The following DLG2 variants were observed in gnomAD, a reference collection of about 807,000 sequenced individuals.
DLG2 encodes the protein disks large homolog 2.
DLG2 carries 45 observed loss-of-function variants against 132.5 expected under a neutral mutation model. The observed-to-expected ratio is 0.34, with a 90% CI of 0.27 to 0.44. DLG2 has a LOEUF of 0.44. Ranked by LOEUF, DLG2 falls within the 20% of genes least tolerant of loss-of-function variation. The probability of loss-of-function intolerance (pLI) is 1.00; values close to 1 mark genes in which losing one functional copy is unlikely to be tolerated. For synonymous variants in DLG2, 424 were observed against 419.6 expected (o/e 1.01, Z -0.13); for missense variants, 1,045 against 1,196.9 (o/e 0.87, Z 1.87).
At chr11:83,534,735 G>A (rs577349934) in intron 20 of DLG2, among the ~76,000 whole-genome samples, 1 of 152,154 alleles carries the variant, frequency 6.6e-6, no homozygotes, top group Non-Finnish European at 1.5e-5. Flanking sequence ...TCAGGAGTTC[G>A]AGACCCGCCT....
At chr11:84,812,063 T>C (rs992006050) in intron 6 of DLG2, among the ~76,000 whole-genome samples, 5 of 152,108 alleles carry the variant, frequency 3.3e-5, no homozygotes, top group African/African-American at 1.2e-4. Flanking sequence ...TTATTCTAGG[T>C]TAAGATATAG....
chr11:84,911,189 G>T (rs1282130175), intron 6 of DLG2, among the ~76,000 whole-genome samples: 1 of 151,902 alleles, frequency 6.6e-6, no homozygotes, highest in Non-Finnish European at 1.5e-5. Flanking sequence ...TTGTTTTAAG[G>T]CATCTTTCTT....
chr11:84,796,378 T>G (rs1253757828), intron 6 of DLG2, among the ~76,000 whole-genome samples: 2 of 152,218 alleles, frequency 1.3e-5, no homozygotes, highest in African/African-American at 4.8e-5. Context: ...AGCTATTATT[T>G]TTTATTAGTT....
chr11:83,564,550 A>G (rs1028268257), intron 19 of DLG2, among the ~76,000 whole-genome samples: 3 of 152,210 alleles, frequency 2.0e-5, no homozygotes, highest in African/African-American at 7.2e-5. Context: ...GGCAGGTAAC[A>G]TATGGGGATG....
chr11:84,421,687 A>G lies in DLG2; in HGVS notation c.519+112883T>C, dbSNP rs150252186. 4.9e-4 allele frequency among the ~76,000 whole-genome samples: 74 copies of G among 152,318 alleles called. 2 individuals carry two copies. In the East Asian group the frequency reaches 0.011, roughly 22 times the overall value. ...CCATCAAATAATTCGTACTATTTAG[A>G]TAACAAACCAAACCTTTTACCATCT... On this transcript the variant is annotated intron_variant, in intron 7 of 27. Transcript: ENST00000376104.
At chr11:84,987,418 A>T (rs1256967790) in intron 6 of DLG2, among the ~76,000 whole-genome samples, 3 of 152,116 alleles carry the variant, frequency 2.0e-5, no homozygotes, top group South Asian at 2.1e-4. Context: ...AGAAAAAAAA[A>T]TTTAAAATTA....
chr11:84,861,937 CA>C (rs1212644575), intron 6 of DLG2, among the ~76,000 whole-genome samples: 2 of 148,426 alleles, frequency 1.3e-5, no homozygotes, highest in African/African-American at 2.5e-5. Context: ...ATCGCAAGAA[CA>C]AAAAACCAAA....
chr11:84,015,098 T>C (rs1202779924), intron 11 of DLG2, among the ~76,000 whole-genome samples: 1 of 152,192 alleles, frequency 6.6e-6, no homozygotes, highest in Non-Finnish European at 1.5e-5. Flanking sequence ...CATTTAATCA[T>C]TCACCTATTC....
At chr11:83,875,990 C>T (rs186783757) in intron 15 of DLG2, among the ~76,000 whole-genome samples, 2 of 152,292 alleles carry the variant, frequency 1.3e-5, no homozygotes, top group South Asian at 2.1e-4. Context: ...TGGTATCCCT[C>T]ACAGTGCCAA....
intron 6 of DLG2, among the ~76,000 whole-genome samples, chr11:85,052,876 G>A (rs889989291): frequency 1.3e-5 from 2 of 152,154 alleles, no homozygotes; most frequent in African/African-American, 4.8e-5. Flanking sequence ...TCATTGTATA[G>A]TTCTGTGTTT....
chr11:83,942,484 A>C (rs1434224845), intron 14 of DLG2, among the ~76,000 whole-genome samples: 1 of 152,206 alleles, frequency 6.6e-6, no homozygotes, highest in African/African-American at 2.4e-5. Flanking sequence ...TTTATGAATG[A>C]TATGTCTACA....
intron 6 of DLG2, among the ~76,000 whole-genome samples, chr11:85,092,970 T>C (rs2069043462): frequency 6.6e-6 from 1 of 152,136 alleles, no homozygotes; most frequent in African/African-American, 2.4e-5. Flanking sequence ...AGGCATGCAA[T>C]GTGAAATAAT....
At chr11:85,507,122 T>C (rs2093953919) in intron 3 of DLG2, among the ~76,000 whole-genome samples, 1 of 152,176 alleles carries the variant, frequency 6.6e-6, no homozygotes, top group African/African-American at 2.4e-5. Context: ...GTTAGATGGG[T>C]CTCCTGAGTA....
intron 6 of DLG2, among the ~76,000 whole-genome samples, chr11:84,776,840 T>G (rs78110190): frequency 0.077 from 11,682 of 152,190 alleles, 530 homozygotes; most frequent in Non-Finnish European, 0.11. Context: ...TATAGAAGAT[T>G]AGGGATAAAT....
At chr11:85,342,835 T>C (rs1011350247) in intron 3 of DLG2, among the ~76,000 whole-genome samples, 10 of 152,230 alleles carry the variant, frequency 6.6e-5, no homozygotes, top group Non-Finnish European at 1.2e-4. Context: ...ATATAAGTGC[T>C]CTGGCATTTA....
chr11:84,550,115 TACACACACACACACAC>T (rs60598747), intron 6 of DLG2, among the ~76,000 whole-genome samples: 4 of 145,934 alleles, frequency 2.7e-5, no homozygotes, highest in South Asian at 2.2e-4. Flanking sequence ...AACGAGCCTA[TACACACACACACACAC>T]ACACACACAC....
chr11:84,341,585 C>T (rs1225777070), intron 7 of DLG2, among the ~76,000 whole-genome samples: 1 of 152,238 alleles, frequency 6.6e-6, no homozygotes, highest in African/African-American at 2.4e-5. Context: ...AAATTCCCCA[C>T]TATGTCCCAT....
chr11:84,524,277 G>A (rs748321294), intron 7 of DLG2, among the ~76,000 whole-genome samples: 4 of 152,188 alleles, frequency 2.6e-5, no homozygotes, highest in Non-Finnish European at 5.9e-5. Context: ...ATTTTGAGAT[G>A]CTGGTTCAGT....
chr11:84,996,334 C>G (rs971131464), intron 6 of DLG2, among the ~76,000 whole-genome samples: 4 of 152,044 alleles, frequency 2.6e-5, no homozygotes, highest in African/African-American at 9.7e-5. Context: ...CTTATTTAAA[C>G]TCAGGCCACT....
Sources: gnomAD v4.1 joint callset for allele counts (sites outside exome capture counted in the v4.1 genomes callset) on GRCh38, gnomAD v4.1.1 for gene constraint, MANE v1.5 for transcripts, NCBI Gene and HGNC (gene_info 2026-07-23, HGNC 2026-07-21) for gene names.